Variants in SLC36A1 observed in about 807,000 individuals in gnomAD.
The protein encoded by SLC36A1 is solute carrier family 36 member 1.
SLC36A1 carries 30 observed loss-of-function variants against 47.5 expected under a neutral mutation model. The observed-to-expected ratio is 0.63, with a 90% CI of 0.47 to 0.86. The LOEUF is 0.86. Among genes scored for constraint, SLC36A1 ranks in the 40% least tolerant of loss-of-function variants. The pLI, the probability that SLC36A1 is intolerant of heterozygous loss-of-function variation, is 0.00. For missense variants in SLC36A1, 517 were observed against 606.0 expected, an observed-to-expected ratio of 0.85 and a Z score of 1.54; for synonymous variants, 255 against 249.7, an observed-to-expected ratio of 1.02 and a Z score of -0.20.
the SLC36A1 span, among the ~76,000 whole-genome samples, chr5:151,364,852 T>C: frequency 6.6e-6 from 1 of 152,148 alleles, no homozygotes; most frequent in Non-Finnish European, 1.5e-5. Flanking sequence ...TGATATATGC[T>C]TCTGCTGTGC....
the SLC36A1 span, among the ~76,000 whole-genome samples, chr5:151,377,736 C>T: frequency 1.8e-4 from 27 of 152,320 alleles, no homozygotes; most frequent in South Asian, 8.3e-4. Flanking sequence ...TTGCGATATA[C>T]TCTTCTTGAA....
downstream of SLC36A1, among the ~76,000 whole-genome samples, chr5:151,495,084 C>T (rs6885230): frequency 0.11 from 16,398 of 152,120 alleles, 2,492 homozygotes; most frequent in African/African-American, 0.34. Flanking sequence ...CCAAAGTGGC[C>T]GTTCCTTGTT....
the SLC36A1 span, among the ~76,000 whole-genome samples, chr5:151,350,412 A>G: frequency 1.3e-5 from 2 of 152,208 alleles, no homozygotes; most frequent in Non-Finnish European, 2.9e-5. Flanking sequence ...GCCTCTTGGC[A>G]TGTGCCTCTG....
At chr5:151,550,074 A>G in the SLC36A1 span, among the ~76,000 whole-genome samples, 1 of 152,216 alleles carries the variant, frequency 6.6e-6, no homozygotes, top group Non-Finnish European at 1.5e-5. Flanking sequence ...AAGATGAGAC[A>G]AATGGGCAGG....
At chr5:151,514,496 C>A in the SLC36A1 span, among the ~76,000 whole-genome samples, 1 of 152,242 alleles carries the variant, frequency 6.6e-6, no homozygotes, top group Non-Finnish European at 1.5e-5. Flanking sequence ...TCTCCACCTG[C>A]TCTATACAGA....
the SLC36A1 span, among the ~76,000 whole-genome samples, chr5:151,417,092 A>C: frequency 1.3e-5 from 2 of 152,190 alleles, no homozygotes; most frequent in Non-Finnish European, 2.9e-5. Flanking sequence ...TTTATTAATT[A>C]CCCAGTCTTG....
At chr5:151,474,096 G>T (rs1026571461) in intron 8 of SLC36A1, among the ~76,000 whole-genome samples, 8 of 141,920 alleles carry the variant, frequency 5.6e-5, no homozygotes, top group Non-Finnish European at 1.1e-4. Flanking sequence ...GGAGACGGAG[G>T]TTGCAGTGAG....
At chr5:151,473,223 T>TAGAAAGAA (rs57145322) in intron 7 of SLC36A1, among the ~76,000 whole-genome samples, 9 of 133,902 alleles carry the variant, frequency 6.7e-5, no homozygotes, top group South Asian at 2.3e-4. Context: ...GATAGATAGA[T>TAGAAAGAA]AGAATATATA....
the SLC36A1 span, among the ~76,000 whole-genome samples, chr5:151,397,314 G>C: frequency 3.9e-4 from 59 of 152,296 alleles, no homozygotes; most frequent in Non-Finnish European, 6.3e-4. Flanking sequence ...GTTAACATAA[G>C]AGCACAAAGC....
chr5:151,396,480 T>G, the SLC36A1 span, among the ~76,000 whole-genome samples: 1 of 152,212 alleles, frequency 6.6e-6, no homozygotes, highest in African/African-American at 2.4e-5. Flanking sequence ...TTTCTAAGTC[T>G]TTATTCTTTA....
At chr5:151,531,553 C>T in the SLC36A1 span, 2 of 1,609,994 alleles carry the variant, frequency 1.2e-6, no homozygotes, top group South Asian at 1.1e-5. The surrounding 1 kb of genome is among the most constrained non-coding windows in gnomAD (Gnocchi z 5.7). Context: ...ACCCTGTACG[C>T]GATGCTTTGG....
At chr5:151,536,145 A>C in the SLC36A1 span, among the ~76,000 whole-genome samples, 1 of 152,102 alleles carries the variant, frequency 6.6e-6, no homozygotes, top group Non-Finnish European at 1.5e-5. Context: ...TATCATGCAG[A>C]TGTTCCAGTT....
At chr5:151,375,641 G>T in the SLC36A1 span, among the ~76,000 whole-genome samples, 1 of 152,012 alleles carries the variant, frequency 6.6e-6, no homozygotes, top group Non-Finnish European at 1.5e-5. Context: ...TGAATCTCTA[G>T]ATCACTTTGG....
chr5:151,460,886 C>G (rs1755407715), intron 2 of SLC36A1, among the ~76,000 whole-genome samples: 1 of 150,862 alleles, frequency 6.6e-6, no homozygotes, highest in Admixed American at 6.6e-5. Context: ...TGCACATATG[C>G]ATGCACACAC....
chr5:151,405,773 C>T, the SLC36A1 span, among the ~76,000 whole-genome samples: 1 of 152,108 alleles, frequency 6.6e-6, no homozygotes, highest in East Asian at 1.9e-4. Context: ...GGGGGTTTGA[C>T]TGTAGTATAC....
At chr5:151,515,399 G>A in the SLC36A1 span, among the ~76,000 whole-genome samples, 70 of 152,080 alleles carry the variant, frequency 4.6e-4, no homozygotes, top group African/African-American at 1.2e-3. Context: ...TCAGTACCAC[G>A]TATGCGCTGA....
chr5:151,471,270 A>G (rs1263389554), intron 7 of SLC36A1, among the ~76,000 whole-genome samples: 1 of 152,248 alleles, frequency 6.6e-6, no homozygotes, highest in Non-Finnish European at 1.5e-5. Context: ...GGGAGGACTT[A>G]CTGTGTTGTA....
At chr5:151,540,218 C>T in the SLC36A1 span, among the ~76,000 whole-genome samples, 1 of 152,162 alleles carries the variant, frequency 6.6e-6, no homozygotes, top group South Asian at 2.1e-4. Flanking sequence ...TGGTATATCC[C>T]TATGGGGGCC....
the SLC36A1 span, among the ~76,000 whole-genome samples, chr5:151,395,298 G>A: frequency 0.22 from 32,364 of 149,820 alleles, 3,579 homozygotes; most frequent in African/African-American, 0.25. Flanking sequence ...TCCAGGTGCC[G>A]TCTGTCACAG....
Sources: allele counts gnomAD v4.1 joint callset (sites outside exome capture counted in the v4.1 genomes callset), GRCh38; gene constraint gnomAD v4.1.1; non-coding constraint Gnocchi (gnomAD v3.1); transcripts MANE v1.5; gene names NCBI Gene and HGNC (gene_info 2026-07-23, HGNC 2026-07-21).